THSD7A: variants seen among roughly 807,000 people sequenced by gnomAD.
The protein encoded by THSD7A is thrombospondin type-1 domain-containing protein 7A.
Under a neutral mutation model 231.3 loss-of-function variants are expected in THSD7A, and 96 were observed. The ratio of observed to expected loss-of-function variants is 0.41; its 90% CI spans 0.35 to 0.49. THSD7A has a LOEUF of 0.49. THSD7A is among the 20% of genes least tolerant of loss of function. THSD7A has a pLI of 0.05. For synonymous variants in THSD7A, 940 were observed against 743.3 expected (o/e 1.26, Z -4.30); for missense variants, 2,290 against 2,070.2 (o/e 1.11, Z -2.06).
intron 1 of THSD7A, among the ~76,000 whole-genome samples, chr7:11,697,939 A>C (rs772805372): frequency 3.3e-5 from 5 of 151,390 alleles, no homozygotes; most frequent in Admixed American, 6.6e-5. Context: ...AAACTGCTCA[A>C]GTGACTGATA....
intron 1 of THSD7A, among the ~76,000 whole-genome samples, chr7:11,743,323 T>C (rs1782173113): frequency 1.3e-5 from 2 of 151,904 alleles, no homozygotes. Context: ...AAAACTGAAA[T>C]GTATAGCAAT....
intron 16 of THSD7A, among the ~76,000 whole-genome samples, chr7:11,420,796 G>T (rs188346543): frequency 1.3e-5 from 2 of 152,312 alleles, no homozygotes; most frequent in East Asian, 3.9e-4. Flanking sequence ...AGCCACAGGG[G>T]TCGAGCTGCC....
Position 11,762,806 on chromosome 7 carries a change from T to TATA in THSD7A, c.190+68950_190+68951insTAT, listed in dbSNP as rs574163046. Among the ~76,000 whole-genome samples the TATA allele has an allele frequency of 3.8e-3, 571 of 151,356 alleles. 3 individuals carry two copies. The highest frequency in any genetic ancestry group is 5.5e-3 in the Non-Finnish European group (372 of 67,972). Reference sequence around the variant, plus strand: ...AAATATTCATGAAAAAAATTATAGATGACACAAACAAACGGAAAAACATTC... The same window carrying TATA: ...AAATATTCATGAAAAAAATTATAGATATAGACACAAACAAACGGAAAAACATTC... On this transcript the variant is annotated intron_variant, in intron 1 of 27. Coordinates refer to ENST00000423059, the MANE Select transcript of THSD7A (RefSeq NM_015204.3).
chr7:11,402,016 C>T (rs1783423218), intron 22 of THSD7A, 48 bp from the exon 23 acceptor site: 1 of 1,538,374 alleles, frequency 6.5e-7, no homozygotes. Flanking sequence ...CAGAGAAAAG[C>T]CAGCCCGATA....
rs55951004 is a variant in THSD7A, at chr7:11,634,592, T to TAC, written c.1022+1536_1022+1537dup. ...AATATACATGATACAGAATCAGAGGTACACACACACACACACACATACACA... is the reference window on the plus strand; with the variant it reads ...AATATACATGATACAGAATCAGAGGTACACACACACACACACACACATACACA... On this transcript the variant is annotated intron_variant, in intron 2 of 27. Coordinates refer to ENST00000423059, the MANE Select transcript of THSD7A (RefSeq NM_015204.3). This position sits in a 1 kb window ranked among gnomAD's most constrained non-coding sequence, Gnocchi z 4.1. Among the ~76,000 whole-genome samples the TAC allele has an allele frequency of 4.7e-5, 7 of 148,606 alleles. No homozygotes were observed. The highest frequency in any genetic ancestry group is 1.5e-4 in the African/African-American group (6 of 40,722).
At chr7:11,543,944 G>A (rs945729976) in intron 4 of THSD7A, among the ~76,000 whole-genome samples, 2 of 152,000 alleles carry the variant, frequency 1.3e-5, no homozygotes, top group African/African-American at 2.4e-5. Flanking sequence ...AAACTATATG[G>A]ACAGAGGAAG....
intron 1 of THSD7A, among the ~76,000 whole-genome samples, chr7:11,752,651 C>G (rs1782540409): frequency 6.6e-6 from 1 of 151,950 alleles, no homozygotes; most frequent in African/African-American, 2.4e-5. Flanking sequence ...CTCAGTGGCT[C>G]ACACCTTTAA....
At chr7:11,418,120 T>C (rs968899036) in intron 16 of THSD7A, among the ~76,000 whole-genome samples, 4 of 152,188 alleles carry the variant, frequency 2.6e-5, no homozygotes, top group African/African-American at 7.2e-5. Flanking sequence ...CATTGAGTGT[T>C]TTTGAAAACA....
Position 11,673,981 on chromosome 7 carries a change from C to A in THSD7A, c.191-37020G>T, listed in dbSNP as rs566400558. 1.6e-3 allele frequency among the ~76,000 whole-genome samples: 247 copies of A among 152,114 alleles called. 2 individuals are homozygous for A. The highest frequency in any genetic ancestry group is 5.7e-3 in the African/African-American group (235 of 41,510). On this transcript the variant is annotated intron_variant, in intron 1 of 27. Coordinates refer to ENST00000423059, the MANE Select transcript of THSD7A (RefSeq NM_015204.3). ...CGTGGCCACTGCCCTGTCCAGGGAT[C>A]TTCGAACTCTGAGCCACTGAATCAC... is the stretch of plus-strand genomic sequence containing the variant.
intron 1 of THSD7A, among the ~76,000 whole-genome samples, chr7:11,754,041 A>G (rs908944959): frequency 1.2e-4 from 19 of 152,168 alleles, no homozygotes; most frequent in African/African-American, 4.3e-4. Flanking sequence ...AATACTTAGA[A>G]GATACATAAA....
intron 4 of THSD7A, among the ~76,000 whole-genome samples, chr7:11,586,808 A>T (rs548532130): frequency 2.0e-5 from 3 of 152,192 alleles, no homozygotes; most frequent in African/African-American, 7.2e-5. Context: ...CAGTTCAATC[A>T]TCCATCCCTC....
intron 15 of THSD7A, among the ~76,000 whole-genome samples, chr7:11,426,463 G>C (rs1180751341): frequency 2.6e-5 from 4 of 152,038 alleles, no homozygotes; most frequent in Non-Finnish European, 5.9e-5. Context: ...TACAATGAGG[G>C]ATATGAAATG....
chr7:11,731,520 A>C (rs1781733279), intron 1 of THSD7A, among the ~76,000 whole-genome samples: 1 of 151,652 alleles, frequency 6.6e-6, no homozygotes, highest in African/African-American at 2.4e-5. Flanking sequence ...TAGATTGTTA[A>C]CGTCAATTGC....
chr7:11,753,820 T>A (rs866676746), intron 1 of THSD7A, among the ~76,000 whole-genome samples: 4 of 151,772 alleles, frequency 2.6e-5, no homozygotes, highest in Middle Eastern at 6.8e-3. Context: ...GAGAGAAACA[T>A]AAATTACCAA....
chr7:11,382,678 A>ATAGAG, intron 23 of THSD7A, 62 bp from the exon 24 acceptor site: 1 of 1,203,400 alleles, frequency 8.3e-7, no homozygotes, highest in Non-Finnish European at 1.2e-6. Context: ...AATCATGGGG[A>ATAGAG]TAGAGTATTA....
chr7:11,650,775 G>T (rs1782468756), intron 1 of THSD7A, among the ~76,000 whole-genome samples: 1 of 152,014 alleles, frequency 6.6e-6, no homozygotes. Context: ...CACAGAAGTA[G>T]CATCACACAA....
intron 1 of THSD7A, among the ~76,000 whole-genome samples, chr7:11,735,135 G>A (rs544996411): frequency 6.6e-6 from 1 of 151,840 alleles, no homozygotes. Flanking sequence ...TACTCTTGGA[G>A]TGTCACCAAA....
At chr7:11,821,177 A>T in intron 1 of THSD7A, 1 of 1,145,662 alleles carries the variant, frequency 8.7e-7, no homozygotes. Context: ...ATTCCTGAGG[A>T]CCCAAAGTGA....
At position 11,481,915 on chromosome 7, in the gene THSD7A, T is replaced by A. The variant is rs3735502; in HGVS notation, c.1890A>T (p.Pro630=). The A allele has an allele frequency of 1.2e-6, 2 of 1,613,524 alleles. No individual in the cohort carries two copies. Among genetic ancestry groups the A allele is most frequent in the Non-Finnish European group, 1.7e-6 (2 of 1,179,616 alleles). The change falls in exon 7 of 28, where the codon CCA becomes CCT. Residue 630 remains proline, a synonymous_variant. Transcript: ENST00000423059. ...TGCTGAGCACACAGTCTTTCGGGCA[T>A]GGGGCATCACAGGCCACAGGGATGG... ...IFPIPVACDA[P]CPKDCVLSTW...
Sources: gnomAD v4.1 joint callset for allele counts (sites outside exome capture counted in the v4.1 genomes callset) on GRCh38, gnomAD v4.1.1 for gene constraint, Gnocchi (gnomAD v3.1) non-coding constraint, MANE v1.5 for transcripts, NCBI Gene and HGNC (gene_info 2026-07-23, HGNC 2026-07-21) for gene names.